HERC3: variants seen among roughly 807,000 people sequenced by gnomAD.
HERC3 encodes the protein probable E3 ubiquitin-protein ligase HERC3.
HERC3 carries 58 observed loss-of-function variants against 129.9 expected under a neutral mutation model. The observed-to-expected ratio is 0.45, with a 90% CI of 0.36 to 0.56. The LOEUF is 0.56. Among genes scored for constraint, HERC3 ranks in the 20% least tolerant of loss-of-function variants. The pLI, the probability that HERC3 is intolerant of heterozygous loss-of-function variation, is 0.00. For missense variants in HERC3, 835 were observed against 1,244.2 expected, an observed-to-expected ratio of 0.67 and a Z score of 4.95; for synonymous variants, 430 against 451.0, an observed-to-expected ratio of 0.95 and a Z score of 0.59.
At chr4:88,677,290 T>C (rs906476809) in intron 18 of HERC3, among the ~76,000 whole-genome samples, 1 of 152,226 alleles carries the variant, frequency 6.6e-6, no homozygotes, top group South Asian at 2.1e-4. Context: ...AAACTTGTTA[T>C]AGAGATTTAC....
At chr4:88,633,517 A>C (rs1258786993) in intron 3 of HERC3, among the ~76,000 whole-genome samples, 3 of 152,208 alleles carry the variant, frequency 2.0e-5, no homozygotes, top group African/African-American at 2.4e-5. Context: ...TCCTGGAACA[A>C]TCACTTAAAA....
intron 3 of HERC3, among the ~76,000 whole-genome samples, chr4:88,612,405 G>A (rs1724446271): frequency 6.6e-6 from 1 of 151,808 alleles, no homozygotes; most frequent in Non-Finnish European, 1.5e-5. Flanking sequence ...TTCCCAGTGT[G>A]TCAGGCAGCA....
At chr4:88,526,301 G>A in the HERC3 span, among the ~76,000 whole-genome samples, 1 of 152,066 alleles carries the variant, frequency 6.6e-6, no homozygotes, top group Non-Finnish European at 1.5e-5. Flanking sequence ...GAAATCTCTA[G>A]GCAGAAGAGG....
chr4:88,608,493 G>C (rs1723919891), intron 3 of HERC3, among the ~76,000 whole-genome samples: 1 of 152,118 alleles, frequency 6.6e-6, no homozygotes, highest in Non-Finnish European at 1.5e-5. Flanking sequence ...TTATTCTGTT[G>C]TTTACTAAAA....
rs574318724 is a variant in HERC3 at position 88,599,177 on chromosome 4, G to A, written c.-30+3563G>A. Among the ~76,000 whole-genome samples the A allele has an allele frequency of 2.3e-4, 35 of 152,280 alleles. No individual in the cohort carries two copies. In the East Asian group the frequency reaches 5.6e-3, roughly 24 times the overall value. ...GCTACAAGATTTAGGGGTCCAACTG[G>A]AGTGTACTTTGAAGTGAAAGCTGTG... On this transcript the variant is annotated intron_variant, in intron 2 of 25. Transcript: ENST00000402738.
In HERC3 at chr4:88,695,394, TA is replaced by T. The variant is rs990242872; in HGVS notation, c.2657+8103del. Among the ~76,000 whole-genome samples, 12 of 152,150 alleles carry T rather than the reference TA, an allele frequency of 7.9e-5. No homozygotes were observed. In the South Asian group the frequency reaches 8.3e-4, roughly 11 times the overall value. On this transcript the variant is annotated intron_variant, in intron 23 of 25. Transcript: ENST00000402738. ...TTTAATTTTTCTGGAGTCCAGTTTT[TA>T]AAAAAAACTTTCTGCTTCATTCAGA...
chr4:88,670,167 A>G lies in HERC3; in HGVS notation c.1826A>G (p.Tyr609Cys), dbSNP rs1207566659. ...AATCTTAAAGTGAAGCATGTGGAAT[A>G]TGATACATTTTACATTCCTGAGATT... ...KVNLKVKHVE[Y>C]DTFYIPEISN... Residue 609 changes from tyrosine to cysteine, a missense_variant, in exon 16 of 26, where the codon TAT becomes TGT. Tyr to Cys is a radical substitution (Grantham distance 194, BLOSUM62 -2). Transcript: ENST00000402738. The G allele has an allele frequency of 3.1e-6, 5 of 1,613,160 alleles. No individual in the cohort carries two copies. The highest frequency in any genetic ancestry group is 1.7e-6 in the Non-Finnish European group (2 of 1,179,286).
At chr4:88,540,099 T>TCTG in the HERC3 span, among the ~76,000 whole-genome samples, 1 of 152,222 alleles carries the variant, frequency 6.6e-6, no homozygotes, top group Admixed American at 6.5e-5. Context: ...TTTGATGAGT[T>TCTG]GACAGAAGTA....
chr4:88,667,404 C>T lies in HERC3; in HGVS notation c.1359C>T (p.Pro453=), dbSNP rs1052892770. The T allele has an allele frequency of 1.2e-6, 2 of 1,604,204 alleles. No homozygotes were observed. The highest frequency in any genetic ancestry group is 1.7e-6 in the Non-Finnish European group (2 of 1,175,536). ...KKIDEHFKTS[P]KIPGIDLNST... ...TTGATGAACATTTTAAAACGAGTCC[C>T]AAAATCCCTGGGATTGACCTGAACT... is the stretch of plus-strand genomic sequence containing the variant. The change falls in exon 13 of 26, where the codon CCC becomes CCT. Residue 453 remains proline (P), a synonymous_variant. Coordinates refer to ENST00000402738, the MANE Select transcript of HERC3 (RefSeq NM_014606.3).
chr4:88,644,186 A>C (rs559853712), intron 3 of HERC3, among the ~76,000 whole-genome samples: 7 of 152,172 alleles, frequency 4.6e-5, no homozygotes, highest in Non-Finnish European at 7.4e-5. Context: ...GTTAATGCAA[A>C]ATGGGATGGC....
intron 8 of HERC3, 38 bp from the exon 9 acceptor site, chr4:88,655,837 T>G (rs1312510273): frequency 2.5e-6 from 4 of 1,584,978 alleles, no homozygotes; most frequent in African/African-American, 1.3e-5. Flanking sequence ...TCCACATTAG[T>G]AGAAACTATG....
the HERC3 span, among the ~76,000 whole-genome samples, chr4:88,548,954 C>A: frequency 3.3e-5 from 5 of 152,184 alleles, no homozygotes; most frequent in African/African-American, 9.6e-5. Context: ...AGCCACTGCG[C>A]CCGGCCCATC....
the HERC3 span, among the ~76,000 whole-genome samples, chr4:88,544,465 T>C: frequency 3.3e-5 from 5 of 152,192 alleles, no homozygotes; most frequent in African/African-American, 1.2e-4. Context: ...TTTTACACTG[T>C]TGGTGGGAGA....
At chr4:88,689,753 T>C (rs542446426) in intron 23 of HERC3, among the ~76,000 whole-genome samples, 2 of 152,058 alleles carry the variant, frequency 1.3e-5, no homozygotes, top group Non-Finnish European at 2.9e-5. Context: ...AATTTTTGTA[T>C]TTTTAGTAGA....
rs757942413 is a variant in HERC3 at position 88,681,238 on chromosome 4, T to C, written c.2420T>C (p.Leu807Pro). 1.2e-6 allele frequency: 2 copies of C among 1,613,992 alleles called. No homozygotes were observed. The highest frequency in any genetic ancestry group is 1.7e-6 in the Non-Finnish European group (2 of 1,179,836). ...ATCTACAACTCCACTGTGGTCGATC[T>C]CCACTTCCCATTGGCTCTCTACAAG... Reference protein sequence around the residue: ...LAIYNSTVVDLHFPLALYKKL... With the variant: ...LAIYNSTVVDPHFPLALYKKL... Residue 807 changes from leucine to proline, a missense_variant, in exon 21 of 26, where the codon CTC (leucine) becomes CCC (proline). By Grantham distance (98) the Leu-to-Pro change is moderately conservative. Coordinates refer to ENST00000402738, the MANE Select transcript of HERC3 (RefSeq NM_014606.3).
At chr4:88,562,904 C>T in the HERC3 span, among the ~76,000 whole-genome samples, 2 of 152,156 alleles carry the variant, frequency 1.3e-5, no homozygotes, top group Non-Finnish European at 2.9e-5. Flanking sequence ...GTTACAATAG[C>T]TCTGTAGTAT....
At chr4:88,615,203 T>G (rs1451424963) in intron 3 of HERC3, among the ~76,000 whole-genome samples, 1 of 151,950 alleles carries the variant, frequency 6.6e-6, no homozygotes, top group Non-Finnish European at 1.5e-5. Context: ...TTTTTTAGTT[T>G]GGCAATTTTG....
At chr4:88,602,863 A>G (rs1416460357) in intron 2 of HERC3, among the ~76,000 whole-genome samples, 1 of 152,214 alleles carries the variant, frequency 6.6e-6, no homozygotes, top group Non-Finnish European at 1.5e-5. Flanking sequence ...CAAATTTCTA[A>G]GAATTTCCGA....
chr4:88,646,617 A>G (rs1728717551), intron 3 of HERC3, among the ~76,000 whole-genome samples: 1 of 152,176 alleles, frequency 6.6e-6, no homozygotes, highest in Admixed American at 6.5e-5. Flanking sequence ...GACGGAATGG[A>G]TCAAAAGAGA....
Sources: allele counts gnomAD v4.1 joint callset (sites outside exome capture counted in the v4.1 genomes callset), GRCh38; gene constraint gnomAD v4.1.1; transcripts MANE v1.5; gene names NCBI Gene and HGNC (gene_info 2026-07-23, HGNC 2026-07-21).